The following NBEA variants were observed in gnomAD, a reference collection of about 807,000 sequenced individuals.
NBEA encodes the protein lysosomal-trafficking regulator 2.
A neutral mutation model predicts 343.4 loss-of-function variants in NBEA; 44 were observed. The ratio of observed to expected loss-of-function variants is 0.13; its 90% confidence interval spans 0.10 to 0.16. The LOEUF (loss-of-function observed/expected upper bound fraction) is 0.16. Ranked by LOEUF, NBEA falls within the 10% of genes least tolerant of loss-of-function variation. NBEA has a pLI of 1.00. For missense variants in NBEA, 2,555 were observed against 3,631.3 expected (o/e 0.70, Z 7.62); for synonymous variants, 1,175 against 1,238.7 (o/e 0.95, Z 1.08).
At chr13:35,373,178 C>G (rs1215500400) in intron 38 of NBEA, among the ~76,000 whole-genome samples, 2 of 152,148 alleles carry the variant, frequency 1.3e-5, no homozygotes, top group East Asian at 3.9e-4. Context: ...CCCTCTCCTT[C>G]CTTGCCTTAG....
chr13:35,632,685 C>G (rs992839197), intron 49 of NBEA, among the ~76,000 whole-genome samples: 5 of 152,050 alleles, frequency 3.3e-5, no homozygotes, highest in African/African-American at 1.2e-4. Flanking sequence ...ACCCCACCTC[C>G]CAGGTTCAAG....
intron 33 of NBEA, among the ~76,000 whole-genome samples, chr13:35,223,705 T>C (rs762866285): frequency 2.2e-4 from 34 of 152,204 alleles, no homozygotes; most frequent in Non-Finnish European, 4.3e-4. Flanking sequence ...TCAATATCTC[T>C]TAACATATTT....
intron 38 of NBEA, among the ~76,000 whole-genome samples, chr13:35,391,986 A>G (rs973053140): frequency 1.3e-5 from 2 of 152,100 alleles, no homozygotes; most frequent in African/African-American, 4.8e-5. Flanking sequence ...TATGAGTTTG[A>G]TCAATAGTGG....
chr13:35,645,674 G>T (rs1462601391), intron 49 of NBEA, among the ~76,000 whole-genome samples, 195 bp from the exon 50 acceptor site: 2 of 152,086 alleles, frequency 1.3e-5, no homozygotes, highest in South Asian at 2.1e-4. Flanking sequence ...TAATATTCCA[G>T]AATTCATCTT....
At chr13:35,618,144 A>G (rs775662605) in intron 48 of NBEA, among the ~76,000 whole-genome samples, 1 of 152,208 alleles carries the variant, frequency 6.6e-6, no homozygotes, top group African/African-American at 2.4e-5. Flanking sequence ...AGCCTAAAGT[A>G]TAAAATGAAA....
chr13:34,991,977 T>G (rs1566133002), intron 1 of NBEA, among the ~76,000 whole-genome samples: 1 of 150,898 alleles, frequency 6.6e-6, no homozygotes, highest in Non-Finnish European at 1.5e-5. Context: ...TATGGTTGTT[T>G]TTTTTTTTTT....
At chr13:35,077,930 G>A (rs552951903) in intron 10 of NBEA, among the ~76,000 whole-genome samples, 1 of 152,220 alleles carries the variant, frequency 6.6e-6, no homozygotes, top group South Asian at 2.1e-4. Flanking sequence ...CTACAAATAG[G>A]GACGGCCTCA....
chr13:35,299,372 A>G (rs959978101), intron 35 of NBEA, among the ~76,000 whole-genome samples: 3 of 152,168 alleles, frequency 2.0e-5, no homozygotes, highest in Non-Finnish European at 2.9e-5. Context: ...ATGGGGAGAA[A>G]CTGATGGGAA....
intron 34 of NBEA, among the ~76,000 whole-genome samples, chr13:35,233,377 A>G (rs1018075985): frequency 2.6e-5 from 4 of 151,974 alleles, no homozygotes; most frequent in African/African-American, 9.7e-5. Flanking sequence ...CTGTTCTGTT[A>G]TTGTCCCAAC....
At chr13:35,125,990 GAAA>G (rs368296187) in intron 17 of NBEA, among the ~76,000 whole-genome samples, 1 of 149,086 alleles carries the variant, frequency 6.7e-6, no homozygotes, top group Middle Eastern at 3.2e-3. Flanking sequence ...TCCATATCTG[GAAA>G]AAAAAAATGT....
chr13:35,643,082 CA>C (rs1401030538), intron 49 of NBEA, among the ~76,000 whole-genome samples: 25 of 137,804 alleles, frequency 1.8e-4, no homozygotes, highest in Non-Finnish European at 3.2e-4. Flanking sequence ...CTCACAGTTC[CA>C]GTAGTTTCTT....
At chr13:35,273,726 C>CTATA (rs1302933230) in intron 34 of NBEA, among the ~76,000 whole-genome samples, 1 of 152,148 alleles carries the variant, frequency 6.6e-6, no homozygotes, top group Non-Finnish European at 1.5e-5. Flanking sequence ...TCAGAGACTA[C>CTATA]TATAAACACC....
intron 35 of NBEA, 67 bp from the exon 36 acceptor site, chr13:35,309,461 C>T: frequency 2.4e-6 from 2 of 841,382 alleles, no homozygotes; most frequent in Non-Finnish European, 3.8e-6. Context: ...CAACATGATC[C>T]TTAAACCAGA....
chr13:35,423,484 G>A (rs2044435019), intron 38 of NBEA, among the ~76,000 whole-genome samples: 1 of 151,972 alleles, frequency 6.6e-6, no homozygotes, highest in Non-Finnish European at 1.5e-5. Flanking sequence ...ATTTCTGAGG[G>A]CTCTGTTCTG....
chr13:35,659,230 G>A (rs372750132), intron 55 of NBEA, among the ~76,000 whole-genome samples: 45 of 152,260 alleles, frequency 3.0e-4, no homozygotes, highest in African/African-American at 9.4e-4. Context: ...CCTAGTAGCT[G>A]TTATAATGAA....
chr13:35,440,215 T>G (rs2045662049), intron 39 of NBEA, among the ~76,000 whole-genome samples: 1 of 152,126 alleles, frequency 6.6e-6, no homozygotes, highest in Admixed American at 6.6e-5. Flanking sequence ...ACAAACAGAT[T>G]TTAACCACAC....
intron 31 of NBEA, among the ~76,000 whole-genome samples, chr13:35,203,525 A>G (rs575698450): frequency 6.6e-6 from 1 of 152,166 alleles, no homozygotes; most frequent in East Asian, 1.9e-4. Flanking sequence ...TATTTGCTAT[A>G]TCTCTGTATT....
chr13:35,047,145 T>C (rs1414344332), intron 4 of NBEA, among the ~76,000 whole-genome samples: 2 of 152,016 alleles, frequency 1.3e-5, no homozygotes, highest in East Asian at 3.9e-4. Context: ...CCTGAACTAA[T>C]TGCTTAAATA....
intron 23 of NBEA, 95 bp from the exon 24 acceptor site, chr13:35,164,261 C>T: frequency 2.8e-6 from 3 of 1,068,742 alleles, no homozygotes; most frequent in Non-Finnish European, 3.9e-6. Flanking sequence ...TAGCTAGCTC[C>T]TACAGTTCTA....
Sources: allele counts gnomAD v4.1 joint callset (sites outside exome capture counted in the v4.1 genomes callset), GRCh38; gene constraint gnomAD v4.1.1; transcripts MANE v1.5; gene names NCBI Gene and HGNC (gene_info 2026-07-23, HGNC 2026-07-21).